The following GPT2 variants were observed in gnomAD, a reference collection of about 807,000 sequenced individuals.
The protein encoded by GPT2 is glutamic--pyruvic transaminase 2.
A neutral mutation model predicts 56.9 loss-of-function variants in GPT2; 30 were observed. The ratio of observed to expected loss-of-function variants is 0.53; its 90% CI spans 0.39 to 0.72. GPT2 has a LOEUF of 0.72. GPT2 is among the 30% of genes least tolerant of loss of function. GPT2 has a pLI of 0.00. For synonymous variants in GPT2, 271 were observed against 283.1 expected (o/e 0.96, Z 0.43); for missense variants, 542 against 703.4 (o/e 0.77, Z 2.60).
intron 5 of GPT2, among the ~76,000 whole-genome samples, chr16:46,909,473 A>T (rs1210902583): frequency 6.6e-6 from 1 of 151,936 alleles, no homozygotes; most frequent in African/African-American, 2.4e-5. Context: ...CATTAACTAC[A>T]CGTTCTGCAC....
At chr16:46,901,447 C>A (rs536592576) in intron 4 of GPT2, among the ~76,000 whole-genome samples, 3 of 152,176 alleles carry the variant, frequency 2.0e-5, no homozygotes, top group African/African-American at 4.8e-5. Context: ...CCCTCCCCTG[C>A]GGTGATGGAG....
chr16:46,909,279 G>T (rs1960996195), intron 5 of GPT2, among the ~76,000 whole-genome samples: 1 of 152,024 alleles, frequency 6.6e-6, no homozygotes, highest in African/African-American at 2.4e-5. Flanking sequence ...TATTGAGTCT[G>T]TTTAAAAATA....
chr16:46,925,714 C>T (rs1159428631), intron 10 of GPT2, among the ~76,000 whole-genome samples: 1 of 152,070 alleles, frequency 6.6e-6, no homozygotes, highest in East Asian at 1.9e-4. Flanking sequence ...GTCCCAGCTC[C>T]TTGGGATGCT....
In GPT2 at chr16:46,924,492, T is replaced by C; in HGVS notation, c.1316T>C (p.Met439Thr). The C allele has an allele frequency of 1.2e-6, 2 of 1,614,234 alleles. No individual in the cohort carries two copies. Among genetic ancestry groups the C allele is most frequent in the Non-Finnish European group, 1.7e-6 (2 of 1,180,046 alleles). Reference sequence around the variant, plus strand: ...CACTGCAACCCCTTGCAGGGGGCCATGTACGCCTTCCCTCGGATCTTCATT... The same window carrying C: ...CACTGCAACCCCTTGCAGGGGGCCACGTACGCCTTCCCTCGGATCTTCATT... ...GIHCNPLQGA[M>T]YAFPRIFIPA... The change falls in exon 10 of 12, where the codon ATG becomes ACG. Residue 439 changes from methionine to threonine, a missense_variant. Met to Thr is a moderately conservative substitution (Grantham distance 81, BLOSUM62 -1). Coordinates refer to ENST00000340124, the MANE Select transcript of GPT2 (RefSeq NM_133443.4).
At chr16:46,898,887 TAC>T (rs1960741769) in intron 3 of GPT2, among the ~76,000 whole-genome samples, 6 of 141,738 alleles carry the variant, frequency 4.2e-5, no homozygotes, top group South Asian at 2.2e-4. Context: ...TATATATATA[TAC>T]GTATATATAT....
chr16:46,916,354 T>TAA, intron 6 of GPT2: 83 of 237,934 alleles, frequency 3.5e-4, no homozygotes, highest in East Asian at 7.5e-4. Flanking sequence ...TCAAAAAAAT[T>TAA]AAAAAAAAAA....
chr16:46,916,502 C>A, intron 6 of GPT2, 126 bp from the exon 7 acceptor site: 1 of 744,712 alleles, frequency 1.3e-6, no homozygotes, highest in Non-Finnish European at 2.4e-6. Context: ...GGGGCCTCTG[C>A]GGGGAGGGTG....
At chr16:46,885,396 CG>C in intron 2 of GPT2, 1 of 120,056 alleles carries the variant, frequency 8.3e-6, no homozygotes, top group Non-Finnish European at 9.4e-6. Flanking sequence ...GGAGGGGAGA[CG>C]GGGTGGGGGG....
At chr16:46,889,148 T>C (rs571530659) in intron 2 of GPT2, among the ~76,000 whole-genome samples, 1 of 151,916 alleles carries the variant, frequency 6.6e-6, no homozygotes, top group East Asian at 1.9e-4. Context: ...CACTTCAGCC[T>C]CTTGAGTAGC....
chr16:46,900,397 G>A (rs975156376), intron 3 of GPT2, among the ~76,000 whole-genome samples: 1 of 152,148 alleles, frequency 6.6e-6, no homozygotes, highest in Admixed American at 6.5e-5. Context: ...GTCCCTAGCG[G>A]AAGAGCTTGG....
intron 3 of GPT2, among the ~76,000 whole-genome samples, chr16:46,899,712 G>A (rs1038193159): frequency 4.6e-5 from 7 of 152,266 alleles, no homozygotes; most frequent in Admixed American, 1.3e-4. Flanking sequence ...TCCCTGGAGC[G>A]TGAGCTTTGA....
chr16:46,898,508 A>G (rs1960728813), intron 3 of GPT2, among the ~76,000 whole-genome samples: 2 of 152,178 alleles, frequency 1.3e-5, no homozygotes, highest in African/African-American at 4.8e-5. Flanking sequence ...AGCTTTTTCT[A>G]GAAGGACTGA....
chr16:46,927,265 C>G (rs1360836690), intron 11 of GPT2, among the ~76,000 whole-genome samples: 1 of 152,184 alleles, frequency 6.6e-6, no homozygotes, highest in Non-Finnish European at 1.5e-5. Flanking sequence ...AAAGGTCTTC[C>G]TTGACTATTC....
chr16:46,905,350 C>T (rs1283458226), intron 4 of GPT2, among the ~76,000 whole-genome samples: 1 of 152,134 alleles, frequency 6.6e-6, no homozygotes, highest in Non-Finnish European at 1.5e-5. Context: ...CGCCCGACCC[C>T]AGTTCAGAGC....
At position 46,900,015 on chromosome 16, in the gene GPT2, C is replaced by T. The variant is rs553495109; in HGVS notation, c.334-667C>T. On this transcript the variant is annotated intron_variant, in intron 3 of 11. Transcript: ENST00000340124. ...GCTGGGCTCCATGAAGCCAGGCGCTCGCTGAAGTCACCCCACTGGTGTCAG... is the reference window on the plus strand; with the variant it reads ...GCTGGGCTCCATGAAGCCAGGCGCTTGCTGAAGTCACCCCACTGGTGTCAG... Among the ~76,000 whole-genome samples the T allele has an allele frequency of 2.6e-5, 4 of 152,336 alleles. No homozygotes were observed. The South Asian group carries it at 8.3e-4, about 32-fold the overall frequency.
rs947330515 is a variant in GPT2 at position 46,898,618 on chromosome 16, C to T, written c.333+881C>T. On this transcript the variant is annotated intron_variant, in intron 3 of 11. Coordinates refer to ENST00000340124, the MANE Select transcript of GPT2 (RefSeq NM_133443.4). Reference sequence around the variant, plus strand: ...AGGTTGCAGTACAGTGGTATGCTCTCGGCTCACAGCAACCTCCACCTCCTG... The same window carrying T: ...AGGTTGCAGTACAGTGGTATGCTCTTGGCTCACAGCAACCTCCACCTCCTG... Among the ~76,000 whole-genome samples the T allele has an allele frequency of 5.9e-5, 9 of 152,100 alleles. No homozygotes were observed. In the East Asian group the frequency reaches 1.2e-3, roughly 20 times the overall value.
intron 4 of GPT2, among the ~76,000 whole-genome samples, 176 bp downstream of exon 4, chr16:46,900,966 T>C (rs1960805982): frequency 6.6e-6 from 1 of 152,182 alleles, no homozygotes; most frequent in Non-Finnish European, 1.5e-5. Flanking sequence ...CTTGCTGGCC[T>C]CGTTTATTAA....
intron 2 of GPT2, among the ~76,000 whole-genome samples, chr16:46,889,124 T>C (rs1388412147): frequency 6.6e-6 from 1 of 152,060 alleles, no homozygotes; most frequent in Non-Finnish European, 1.5e-5. Flanking sequence ...CTTCCTGGGC[T>C]CAAGCGATCC....
intron 2 of GPT2, among the ~76,000 whole-genome samples, chr16:46,889,172 C>G (rs1178933849): frequency 1.3e-5 from 2 of 149,404 alleles, no homozygotes; most frequent in African/African-American, 4.9e-5. Context: ...GACCACAAGG[C>G]GTATGCCACC....
Sources: allele counts gnomAD v4.1 joint callset (sites outside exome capture counted in the v4.1 genomes callset), GRCh38; gene constraint gnomAD v4.1.1; transcripts MANE v1.5; gene names NCBI Gene and HGNC (gene_info 2026-07-23, HGNC 2026-07-21).